Variants in FER observed in about 807,000 individuals in gnomAD.
The protein encoded by FER is tyrosine-protein kinase Fer.
In FER, 63 loss-of-function variants were observed where a neutral mutation model predicts 111.0. The ratio of observed to expected loss-of-function variants is 0.57; its 90% CI spans 0.46 to 0.70. The LOEUF is 0.70. FER is among the 30% of genes least tolerant of loss of function. The probability of loss-of-function intolerance (pLI) is 0.00; values close to 1 mark genes in which losing one functional copy is unlikely to be tolerated. For synonymous variants in FER, 327 were observed against 313.9 expected (o/e 1.04, Z -0.44); for missense variants, 914 against 954.0 (o/e 0.96, Z 0.55).
chr5:108,795,624 CTTCATCGATTCTGATATTA>C (rs1175243669), intron 2 of FER, among the ~76,000 whole-genome samples: 3 of 152,000 alleles, frequency 2.0e-5, no homozygotes, highest in Admixed American at 2.0e-4. Flanking sequence ...CTTTCTTCTG[CTTCATCGATTCTGATATTA>C]AGAGACACTG....
At chr5:109,024,553 G>T (rs1044254233) in intron 13 of FER, among the ~76,000 whole-genome samples, 7 of 152,068 alleles carry the variant, frequency 4.6e-5, no homozygotes. Context: ...CTTCATAATG[G>T]CCAGAGTGTG....
At chr5:108,942,217 A>C (rs1458779391) in intron 10 of FER, among the ~76,000 whole-genome samples, 4 of 152,166 alleles carry the variant, frequency 2.6e-5, no homozygotes, top group African/African-American at 9.7e-5. Flanking sequence ...TTATTTCCCT[A>C]GAGACATCTT....
chr5:108,802,208 G>A (rs1756733912), intron 3 of FER, among the ~76,000 whole-genome samples: 1 of 151,788 alleles, frequency 6.6e-6, no homozygotes, highest in South Asian at 2.1e-4. Context: ...AATTTTAGGA[G>A]CACCTTACCA....
Position 108,939,730 on chromosome 5 carries a change from A to G in FER, c.1237-6400A>G, listed in dbSNP as rs113559018. Among the ~76,000 whole-genome samples the G allele has an allele frequency of 8.2e-3, 1,247 of 152,018 alleles. 18 individuals carry two copies. The highest frequency in any genetic ancestry group is 0.029 in the African/African-American group (1,185 of 41,516). ...TATTTAAAAATTTTAATTTTTCTAT[A>G]TTTTTATTAAATCTTAGGATTTTCG... On this transcript the variant is annotated intron_variant, in intron 10 of 19. Transcript: ENST00000281092.
intron 16 of FER, among the ~76,000 whole-genome samples, chr5:109,069,654 G>GT (rs1240316426): frequency 6.6e-6 from 1 of 152,110 alleles, no homozygotes; most frequent in Non-Finnish European, 1.5e-5. Flanking sequence ...ATAGGTTCTG[G>GT]TAGTATTCCA....
At chr5:108,811,231 T>G (rs569106026) in intron 3 of FER, among the ~76,000 whole-genome samples, 1 of 151,824 alleles carries the variant, frequency 6.6e-6, no homozygotes, top group African/African-American at 2.4e-5. Flanking sequence ...GGGCAGGTCA[T>G]GCTGCTGATC....
chr5:108,892,177 A>G (rs1748202463), intron 9 of FER, among the ~76,000 whole-genome samples: 1 of 152,150 alleles, frequency 6.6e-6, no homozygotes, highest in Admixed American at 6.5e-5. Flanking sequence ...TTGGGTATAT[A>G]CCCAGTAATG....
chr5:109,094,178 T>C (rs1347970763), intron 16 of FER, among the ~76,000 whole-genome samples: 2 of 151,916 alleles, frequency 1.3e-5, no homozygotes, highest in African/African-American at 4.8e-5. Context: ...TCCAGCTTTT[T>C]TTTTTTTTGA....
chr5:109,111,419 A>G (rs1749607325), intron 17 of FER, among the ~76,000 whole-genome samples: 2 of 152,140 alleles, frequency 1.3e-5, no homozygotes, highest in Non-Finnish European at 2.9e-5. Flanking sequence ...AAGAAAGATT[A>G]TGTACTCTAA....
At chr5:109,074,337 C>T (rs1471039690) in intron 16 of FER, among the ~76,000 whole-genome samples, 1 of 152,100 alleles carries the variant, frequency 6.6e-6, no homozygotes, top group East Asian at 1.9e-4. Context: ...GAATCACAGC[C>T]CTATAGTGAA....
At chr5:108,887,341 T>C (rs1303437211) in intron 9 of FER, among the ~76,000 whole-genome samples, 1 of 151,588 alleles carries the variant, frequency 6.6e-6, no homozygotes, top group Non-Finnish European at 1.5e-5. Flanking sequence ...AGTGAAAAAA[T>C]AAATTATATG....
intron 13 of FER, among the ~76,000 whole-genome samples, chr5:108,982,102 A>C (rs1047389874): frequency 6.6e-6 from 1 of 152,022 alleles, no homozygotes; most frequent in Non-Finnish European, 1.5e-5. Flanking sequence ...ACTTGTTAGA[A>C]ATGCAAATTT....
At chr5:109,009,042 G>GTTT (rs1326219514) in intron 13 of FER, among the ~76,000 whole-genome samples, 4 of 128,460 alleles carry the variant, frequency 3.1e-5, no homozygotes, top group Non-Finnish European at 5.0e-5. Flanking sequence ...TTCCTCTTCA[G>GTTT]TCTTTTTTTT....
At chr5:108,804,862 A>G (rs1315245651) in intron 3 of FER, among the ~76,000 whole-genome samples, 1 of 151,906 alleles carries the variant, frequency 6.6e-6, no homozygotes, top group African/African-American at 2.4e-5. Flanking sequence ...TTTAGAATGA[A>G]TTAGGTAGAA....
intron 16 of FER, among the ~76,000 whole-genome samples, chr5:109,086,590 T>A (rs1269278551): frequency 6.6e-6 from 1 of 151,766 alleles, no homozygotes; most frequent in Non-Finnish European, 1.5e-5. Context: ...TGCCTTGCTT[T>A]GTCATTTAGA....
chr5:108,919,966 A>T (rs184350524), intron 10 of FER, among the ~76,000 whole-genome samples: 5 of 152,274 alleles, frequency 3.3e-5, no homozygotes, highest in Admixed American at 3.3e-4. Context: ...ATGCTTGCAA[A>T]AATGTTTAGT....
intron 13 of FER, among the ~76,000 whole-genome samples, chr5:109,025,259 A>T (rs1768539892): frequency 6.6e-6 from 1 of 152,146 alleles, no homozygotes; most frequent in Non-Finnish European, 1.5e-5. Context: ...TGAACATGGA[A>T]TGTTCTTCCA....
intron 17 of FER, among the ~76,000 whole-genome samples, chr5:109,175,998 C>G (rs1240477106): frequency 6.6e-6 from 1 of 151,016 alleles, no homozygotes; most frequent in Admixed American, 6.6e-5. Flanking sequence ...AACAAACAAA[C>G]AAACAAATAA....
chr5:109,180,648 A>G (rs1464565292), intron 17 of FER, 99 bp from the exon 18 acceptor site: 169 of 1,301,646 alleles, frequency 1.3e-4, no homozygotes, highest in Non-Finnish European at 7.3e-5. Context: ...CATTATAAAT[A>G]CATTGCAAAT....
Sources: gnomAD v4.1 joint callset for allele counts (sites outside exome capture counted in the v4.1 genomes callset) on GRCh38, gnomAD v4.1.1 for gene constraint, MANE v1.5 for transcripts, NCBI Gene and HGNC (gene_info 2026-07-23, HGNC 2026-07-21) for gene names.